Variants in NCKAP5 observed in about 807,000 individuals in gnomAD.
NCKAP5 encodes nck-associated protein 5.
In NCKAP5, 92 loss-of-function variants were observed where a neutral mutation model predicts 167.0. The observed-to-expected ratio is 0.55, with a 90% CI of 0.47 to 0.66. NCKAP5 has a LOEUF of 0.66. NCKAP5 is among the 30% of genes least tolerant of loss of function. The pLI, the probability that NCKAP5 is intolerant of heterozygous loss-of-function variation, is 0.00. For missense variants in NCKAP5, 2,378 were observed against 2,315.0 expected (o/e 1.03, Z -0.56); for synonymous variants, 891 against 877.4 (o/e 1.02, Z -0.27).
chr2:132,679,816 CTTG>C (rs1297390984), intron 19 of NCKAP5, among the ~76,000 whole-genome samples: 1 of 152,070 alleles, frequency 6.6e-6, no homozygotes, highest in Non-Finnish European at 1.5e-5. Context: ...ATGTTATGTT[CTTG>C]TTGTGGGAAT....
intron 8 of NCKAP5, among the ~76,000 whole-genome samples, chr2:132,916,810 G>A (rs143428821): frequency 6.6e-6 from 1 of 151,922 alleles, no homozygotes; most frequent in East Asian, 1.9e-4. Context: ...GGCATGATCT[G>A]TATCTTATTT....
At chr2:132,983,211 A>G (rs1312603873) in intron 7 of NCKAP5, among the ~76,000 whole-genome samples, 1 of 152,194 alleles carries the variant, frequency 6.6e-6, no homozygotes, top group African/African-American at 2.4e-5. Flanking sequence ...CTTTTGGCAG[A>G]GTGCTTAGTG....
In NCKAP5 at chr2:133,535,467, T is replaced by C. The variant is rs151067807; in HGVS notation, c.-61-17880A>G. ...ATCCTTATTGCTGCAAAAGACAGTA[T>C]TTCATTCTATTTCATGACTGCATAG... On this transcript the variant is annotated intron_variant, in intron 2 of 19. Transcript: ENST00000409261. Among the ~76,000 whole-genome samples the C allele has an allele frequency of 6.2e-3, 940 of 152,262 alleles. 26 individuals carry two copies. Among genetic ancestry groups the C allele is most frequent in the Admixed American group, 0.054 (826 of 15,286 alleles).
chr2:133,414,210 T>C (rs1688959901), intron 3 of NCKAP5, among the ~76,000 whole-genome samples: 1 of 152,210 alleles, frequency 6.6e-6, no homozygotes, highest in Non-Finnish European at 1.5e-5. Flanking sequence ...GAAACAGGTA[T>C]TAGGTAAGGT....
At chr2:133,345,701 A>T (rs1439242241) in intron 3 of NCKAP5, among the ~76,000 whole-genome samples, 1 of 152,190 alleles carries the variant, frequency 6.6e-6, no homozygotes, top group African/African-American at 2.4e-5. Flanking sequence ...TCCTCTAGTA[A>T]GAGAGGAGTT....
intron 4 of NCKAP5, among the ~76,000 whole-genome samples, chr2:133,244,732 A>T (rs1022875744): frequency 3.3e-5 from 5 of 152,160 alleles, no homozygotes; most frequent in African/African-American, 1.2e-4. Flanking sequence ...TCTTCTCACT[A>T]TATGATTATG....
At chr2:133,129,092 C>CTT (rs58355335) in intron 6 of NCKAP5, among the ~76,000 whole-genome samples, 9,501 of 143,952 alleles carry the variant, frequency 0.066, 384 homozygotes, top group East Asian at 0.18. Context: ...TTTGGCTGGC[C>CTT]TTTTTTTTTT....
intron 16 of NCKAP5, among the ~76,000 whole-genome samples, chr2:132,736,020 C>G (rs997755683): frequency 2.6e-5 from 4 of 152,266 alleles, no homozygotes; most frequent in Middle Eastern, 3.4e-3. Flanking sequence ...CTTGAGTTCT[C>G]TGATTCCCAG....
chr2:132,829,860 A>G (rs939027849), intron 11 of NCKAP5, among the ~76,000 whole-genome samples: 2 of 152,178 alleles, frequency 1.3e-5, no homozygotes, highest in Non-Finnish European at 1.5e-5. Context: ...TCTCTTTTCT[A>G]TGACTTCAAT....
intron 16 of NCKAP5, among the ~76,000 whole-genome samples, chr2:132,734,097 A>G (rs955177141): frequency 6.6e-6 from 1 of 152,170 alleles, no homozygotes; most frequent in Non-Finnish European, 1.5e-5. Context: ...CATTAATTTC[A>G]GGGCCCCCAC....
the NCKAP5 span, among the ~76,000 whole-genome samples, chr2:133,603,414 G>A: frequency 6.6e-5 from 10 of 151,960 alleles, no homozygotes; most frequent in African/African-American, 7.3e-5. Context: ...TAGCAGAGAC[G>A]GGGTTTTTCC....
At chr2:133,243,089 CT>C (rs144348686) in intron 4 of NCKAP5, among the ~76,000 whole-genome samples, 3,878 of 151,694 alleles carry the variant, frequency 0.026, 152 homozygotes, top group African/African-American at 0.085. Context: ...TTGAGAAATC[CT>C]TCTTCATACT....
intron 8 of NCKAP5, among the ~76,000 whole-genome samples, chr2:132,912,242 C>A (rs1385139605): frequency 6.6e-6 from 1 of 152,120 alleles, no homozygotes; most frequent in Non-Finnish European, 1.5e-5. Context: ...GCACAGTGCC[C>A]TTTGGGAAAA....
At chr2:132,742,570 C>T (rs1041198147) in intron 16 of NCKAP5, among the ~76,000 whole-genome samples, 1 of 151,724 alleles carries the variant, frequency 6.6e-6, no homozygotes, top group Non-Finnish European at 1.5e-5. Flanking sequence ...TTTAGCCTGC[C>T]TATATTACTG....
chr2:132,815,328 T>G lies in NCKAP5; in HGVS notation c.808-18599A>C, dbSNP rs567643900. Among the ~76,000 whole-genome samples the G allele has an allele frequency of 5.9e-5, 9 of 152,324 alleles. No homozygotes were observed. In the East Asian group the frequency reaches 1.7e-3, roughly 29 times the overall value. ...CATTATAGAGAGAAGAAGCTGCTCT[T>G]AGACTCATTTGAGAAACTATGGGGA... On this transcript the variant is annotated intron_variant, in intron 11 of 19. Coordinates refer to ENST00000409261, the MANE Select transcript of NCKAP5 (RefSeq NM_207363.3).
chr2:133,339,424 T>C (rs1220629273), intron 3 of NCKAP5, among the ~76,000 whole-genome samples: 1 of 152,210 alleles, frequency 6.6e-6, no homozygotes, highest in Non-Finnish European at 1.5e-5. Flanking sequence ...TAGGTTGCTC[T>C]GGTCTTTGAA....
At chr2:133,511,904 G>A (rs571958644) in intron 3 of NCKAP5, among the ~76,000 whole-genome samples, 4 of 152,240 alleles carry the variant, frequency 2.6e-5, no homozygotes, top group East Asian at 3.9e-4. Flanking sequence ...CAGGGCAAAC[G>A]GTACTTTATG....
intron 3 of NCKAP5, among the ~76,000 whole-genome samples, chr2:133,401,654 T>G (rs1180315814): frequency 1.3e-5 from 2 of 152,136 alleles, no homozygotes; most frequent in African/African-American, 4.8e-5. Flanking sequence ...TCATCATAGT[T>G]GGTATCAGAG....
At chr2:133,136,789 G>C (rs752979233) in intron 5 of NCKAP5, among the ~76,000 whole-genome samples, 3 of 152,150 alleles carry the variant, frequency 2.0e-5, no homozygotes, top group Non-Finnish European at 4.4e-5. Flanking sequence ...GAGAAATGTG[G>C]AAACTGAGAA....
Sources: allele counts gnomAD v4.1 joint callset (sites outside exome capture counted in the v4.1 genomes callset), GRCh38; gene constraint gnomAD v4.1.1; transcripts MANE v1.5; gene names NCBI Gene and HGNC (gene_info 2026-07-23, HGNC 2026-07-21).